AUTS2: variants seen among roughly 807,000 people sequenced by gnomAD.
AUTS2 encodes autism susceptibility gene 2 protein.
In AUTS2, 17 loss-of-function variants were observed where a neutral mutation model predicts 112.4. The observed-to-expected ratio is 0.15, with a 90% CI of 0.10 to 0.23. AUTS2 has a LOEUF of 0.23. Ranked by LOEUF, AUTS2 falls within the 10% of genes least tolerant of loss-of-function variation. AUTS2 has a pLI of 1.00. For missense variants in AUTS2, 1,510 were observed against 1,701.6 expected (o/e 0.89, Z 1.98); for synonymous variants, 751 against 702.7 (o/e 1.07, Z -1.09).
At chr7:70,356,837 GC>G (rs1371979306) in intron 4 of AUTS2, among the ~76,000 whole-genome samples, 3 of 152,070 alleles carry the variant, frequency 2.0e-5, no homozygotes, top group Non-Finnish European at 2.9e-5. Context: ...GATAGAAGTG[GC>G]CAAAACTTCT....
chr7:69,749,734 C>T (rs918983916), intron 1 of AUTS2, among the ~76,000 whole-genome samples: 1 of 152,192 alleles, frequency 6.6e-6, no homozygotes, highest in Admixed American at 6.5e-5. Context: ...CGCTGGCTTG[C>T]GGCTTCTCTG....
At chr7:69,896,382 A>G (rs1299613364) in intron 1 of AUTS2, among the ~76,000 whole-genome samples, 1 of 152,190 alleles carries the variant, frequency 6.6e-6, no homozygotes, top group Non-Finnish European at 1.5e-5. Flanking sequence ...AATCGTCTGC[A>G]GTGGTAGCAG....
At chr7:70,730,250 TG>T (rs1398026139) in intron 6 of AUTS2, among the ~76,000 whole-genome samples, 4 of 152,144 alleles carry the variant, frequency 2.6e-5, no homozygotes, top group African/African-American at 9.6e-5. Context: ...GTTTGTTTGT[TG>T]GTTTTTTAGT....
At chr7:70,069,472 G>T (rs926570690) in intron 2 of AUTS2, among the ~76,000 whole-genome samples, 1 of 152,114 alleles carries the variant, frequency 6.6e-6, no homozygotes, top group East Asian at 1.9e-4. Flanking sequence ...AATCCTAATT[G>T]CTGGGACTTT....
At chr7:70,555,589 C>T (rs1337921481) in intron 5 of AUTS2, among the ~76,000 whole-genome samples, 1 of 152,146 alleles carries the variant, frequency 6.6e-6, no homozygotes, top group Non-Finnish European at 1.5e-5. Context: ...CCTTCTAGTC[C>T]CAGCACTCCC....
chr7:69,913,456 G>T (rs1273461827), intron 2 of AUTS2, among the ~76,000 whole-genome samples: 1 of 152,124 alleles, frequency 6.6e-6, no homozygotes, highest in East Asian at 1.9e-4. Context: ...ACCATACTCT[G>T]TTTTGAGTTG....
At chr7:70,159,133 T>C (rs1363851495) in intron 4 of AUTS2, among the ~76,000 whole-genome samples, 1 of 152,202 alleles carries the variant, frequency 6.6e-6, no homozygotes, top group Non-Finnish European at 1.5e-5. Flanking sequence ...TTAGAATACA[T>C]CTTGGGAGAT....
chr7:70,180,038 C>G (rs939686474), intron 4 of AUTS2, among the ~76,000 whole-genome samples: 2 of 152,150 alleles, frequency 1.3e-5, no homozygotes, highest in Admixed American at 1.3e-4. Context: ...AGAAGACTTT[C>G]TTTGCTTCTT....
intron 4 of AUTS2, among the ~76,000 whole-genome samples, chr7:70,205,694 G>A (rs116571402): frequency 2.6e-5 from 4 of 152,242 alleles, no homozygotes; most frequent in Admixed American, 6.5e-5. Flanking sequence ...GCACAGCAAC[G>A]AGATCACTTA....
chr7:69,765,624 TATTTAAA>T (rs976852263), intron 1 of AUTS2, among the ~76,000 whole-genome samples: 4 of 152,158 alleles, frequency 2.6e-5, no homozygotes, highest in African/African-American at 7.2e-5. Context: ...GTCTAATTTT[TATTTAAA>T]ATTTAAAATT....
chr7:70,129,324 C>T lies in AUTS2; in HGVS notation c.625-5212C>T, dbSNP rs79393411. Among the ~76,000 whole-genome samples the T allele has an allele frequency of 2.6e-4, 40 of 152,284 alleles. 2 individuals are homozygous for T. The East Asian group carries it at 6.6e-3, about 25-fold the overall frequency. ...TCTCTCTTCTCTGGGAGAGAGTCAGCCTTTTGTTCTTTTCAGACCTTCAAC... is the reference window on the plus strand; with the variant it reads ...TCTCTCTTCTCTGGGAGAGAGTCAGTCTTTTGTTCTTTTCAGACCTTCAAC... On this transcript the variant is annotated intron_variant, in intron 3 of 18. Transcript: ENST00000342771.
chr7:70,342,488 G>T (rs1791311736), intron 4 of AUTS2, among the ~76,000 whole-genome samples: 1 of 152,130 alleles, frequency 6.6e-6, no homozygotes, highest in African/African-American at 2.4e-5. Flanking sequence ...TCACTGCCCA[G>T]TAGAACTTCC....
chr7:70,638,978 G>T (rs1481691411), intron 5 of AUTS2, among the ~76,000 whole-genome samples: 1 of 152,122 alleles, frequency 6.6e-6, no homozygotes, highest in African/African-American at 2.4e-5. Context: ...AAAGCTAACA[G>T]CTGACTAACA....
intron 4 of AUTS2, among the ~76,000 whole-genome samples, chr7:70,386,514 T>A (rs557042906): frequency 9.2e-5 from 14 of 152,286 alleles, no homozygotes; most frequent in African/African-American, 3.4e-4. Context: ...ATCCCCAGGC[T>A]CATTCCCTCC....
intron 1 of AUTS2, among the ~76,000 whole-genome samples, chr7:69,670,182 A>G (rs1188250453): frequency 1.3e-5 from 2 of 152,198 alleles, no homozygotes; most frequent in Non-Finnish European, 2.9e-5. Context: ...AGACCTGACT[A>G]GAACAGAAAT....
chr7:70,672,677 G>A (rs772746119), intron 5 of AUTS2, among the ~76,000 whole-genome samples: 11 of 151,856 alleles, frequency 7.2e-5, no homozygotes, highest in East Asian at 1.9e-4. Context: ...ATCTCAGCTC[G>A]CTGCAACCTC....
intron 4 of AUTS2, among the ~76,000 whole-genome samples, chr7:70,344,303 A>ATAC (rs1791400183): frequency 6.6e-6 from 1 of 152,170 alleles, no homozygotes; most frequent in African/African-American, 2.4e-5. Flanking sequence ...GCAGAAAAAA[A>ATAC]TACGAGGCAT....
At chr7:70,332,749 CCTG>C (rs1290701938) in intron 4 of AUTS2, among the ~76,000 whole-genome samples, 1 of 152,146 alleles carries the variant, frequency 6.6e-6, no homozygotes, top group African/African-American at 2.4e-5. Context: ...GTTGGGAAGA[CCTG>C]CTAGCCATAT....
chr7:69,683,882 GC>G (rs1198919841), intron 1 of AUTS2, among the ~76,000 whole-genome samples: 1 of 152,210 alleles, frequency 6.6e-6, no homozygotes. Flanking sequence ...CTGCACTTCA[GC>G]CTGGGCAGTA....
Sources: allele counts gnomAD v4.1 joint callset (sites outside exome capture counted in the v4.1 genomes callset), GRCh38; gene constraint gnomAD v4.1.1; transcripts MANE v1.5; gene names NCBI Gene and HGNC (gene_info 2026-07-23, HGNC 2026-07-21).